Variants in STARD9 observed in about 807,000 individuals in gnomAD.
STARD9 encodes stAR-related lipid transfer protein 9.
Under a neutral mutation model 399.8 loss-of-function variants are expected in STARD9, and 346 were observed. The observed-to-expected ratio is 0.87, with a 90% CI of 0.79 to 0.95. STARD9 has a LOEUF of 0.95. Ranked by LOEUF, STARD9 falls within the 40% of genes least tolerant of loss-of-function variation. The pLI is 0.00. For synonymous variants in STARD9, 2,203 were observed against 2,143.5 expected, an observed-to-expected ratio of 1.03 and a Z score of -0.77; for missense variants, 5,832 against 5,667.5, an observed-to-expected ratio of 1.03 and a Z score of -0.93.
At chr15:42,601,573 G>A (rs1301485437) in intron 3 of STARD9, among the ~76,000 whole-genome samples, 3 of 149,858 alleles carry the variant, frequency 2.0e-5, no homozygotes, top group Non-Finnish European at 4.5e-5. Flanking sequence ...GGCTGGGCGG[G>A]GGCTGCCCCC....
chr15:42,695,001 A>G, intron 24 of STARD9, 139 bp from the exon 25 acceptor site: 1 of 836,170 alleles, frequency 1.2e-6, no homozygotes, highest in African/African-American at 1.7e-5. Context: ...CTGAGGCTAA[A>G]AAATCATACT....
At chr15:42,676,821 C>T (rs550777038) in intron 20 of STARD9, among the ~76,000 whole-genome samples, 436 of 152,140 alleles carry the variant, frequency 2.9e-3, no homozygotes, top group Non-Finnish European at 5.0e-3. Flanking sequence ...AGCACAGGGT[C>T]TCAGTAGTTA....
At chr15:42,597,413 G>A (rs1246489821) in intron 3 of STARD9, among the ~76,000 whole-genome samples, 2 of 152,060 alleles carry the variant, frequency 1.3e-5, no homozygotes, top group Non-Finnish European at 2.9e-5. Flanking sequence ...TGTCACCCAG[G>A]CTGGAGTGCA....
intron 3 of STARD9, among the ~76,000 whole-genome samples, chr15:42,596,197 T>A (rs1438876046): frequency 4.6e-5 from 7 of 152,168 alleles, no homozygotes; most frequent in Non-Finnish European, 1.0e-4. Context: ...AGGGGAGACA[T>A]GCCCAAAGCT....
intron 22 of STARD9, among the ~76,000 whole-genome samples, chr15:42,683,166 C>A (rs2060471540): frequency 6.6e-6 from 1 of 152,230 alleles, no homozygotes; most frequent in Non-Finnish European, 1.5e-5. Context: ...TCTTTGTATC[C>A]TCAGGACCTA....
chr15:42,706,624 A>T (rs2061091667), intron 26 of STARD9, among the ~76,000 whole-genome samples: 1 of 151,382 alleles, frequency 6.6e-6, no homozygotes, highest in Non-Finnish European at 1.5e-5. Flanking sequence ...TAATTTTTGT[A>T]TTTTTAGTAG....
intron 9 of STARD9, among the ~76,000 whole-genome samples, chr15:42,654,367 A>G (rs944772051): frequency 2.0e-5 from 3 of 150,054 alleles, no homozygotes; most frequent in Non-Finnish European, 4.4e-5. Context: ...TCACAGACAC[A>G]GGTTGAAAGT....
chr15:42,691,878 C>G lies in STARD9; in HGVS notation c.10300C>G (p.Gln3434Glu). The G allele has an allele frequency of 6.5e-7, 1 of 1,537,246 alleles. No individual in the cohort carries two copies. Among genetic ancestry groups the G allele is most frequent in the South Asian group, 1.2e-5 (1 of 84,058 alleles). ...GATGTCTGGTACTTTGGAACAAGCC[C>G]AACAGGGAAAGCGAGAGAAACTGGG... ...SWMSGTLEQA[Q>E]QGKREKLGVQ... is the part of the protein sequence containing the mutation. The change falls in exon 23 of 33, where the codon CAA becomes GAA. Residue 3434 changes from glutamine (Q) to glutamate (E), a missense_variant. Around this residue, in one of 2 missense-constraint regions of STARD9, gnomAD observed 5,828 missense variants for 5,651.1 expected, o/e 1.03. Transcript: ENST00000290607.
Position 42,686,604 on chromosome 15 carries a change from A to G in STARD9, c.5026A>G (p.Arg1676Gly), listed in dbSNP as rs776473630. Residue 1676 changes from arginine (R) to glycine (G), a missense_variant, in exon 23 of 33, where the codon AGG becomes GGG. Coordinates refer to ENST00000290607, the MANE Select transcript of STARD9 (RefSeq NM_020759.3). ...TTGGTCCCAAGGCTGGGCTCCTCTC[A>G]GGAAAAATAGTGCAGTCCAGCCAGG... ...DHWSQGWAPLRKNSAVQPGQL... is the reference protein window; with the variant it reads ...DHWSQGWAPLGKNSAVQPGQL... 7 of 1,537,254 alleles carry G rather than the reference A, an allele frequency of 4.6e-6. No homozygotes were observed. The highest frequency in any genetic ancestry group is 6.1e-6 in the Non-Finnish European group (7 of 1,146,980).
intron 3 of STARD9, among the ~76,000 whole-genome samples, chr15:42,590,404 A>G (rs982717233): frequency 6.6e-6 from 1 of 152,150 alleles, no homozygotes; most frequent in Admixed American, 6.5e-5. Flanking sequence ...GCTCAGAAAT[A>G]TGGCATTGAT....
Position 42,686,680 on chromosome 15 carries a change from G to T in STARD9, c.5102G>T (p.Cys1701Phe), listed in dbSNP as rs1398093336. Residue 1701 changes from cysteine to phenylalanine, a missense_variant, in exon 23 of 33, where the codon TGC becomes TTC. By Grantham distance (205) the Cys-to-Phe change is radical. Transcript: ENST00000290607. The stretch of plus-strand genomic sequence containing the variant: ...CCACTAGAGGAAGAGAAGACAGATT[G>T]CCAGGAGAGCTCTAAGGAAGCAGTT... The part of the protein sequence containing the change: ...HYPLEEEKTD[C>F]QESSKEAVRR... 1 of 1,537,724 alleles carries T rather than the reference G, an allele frequency of 6.5e-7. No homozygotes were observed. The highest frequency in any genetic ancestry group is 1.4e-5 in the African/African-American group (1 of 73,170).
At chr15:42,676,099 G>C (rs998047198) in intron 20 of STARD9, 124 bp downstream of exon 20, 3 of 768,060 alleles carry the variant, frequency 3.9e-6, no homozygotes, top group Middle Eastern at 2.8e-4. Context: ...ATGAGCCCTT[G>C]TCTGAATCAA....
intron 9 of STARD9, among the ~76,000 whole-genome samples, chr15:42,653,152 C>G (rs950491380): frequency 6.6e-6 from 1 of 152,108 alleles, no homozygotes; most frequent in Non-Finnish European, 1.5e-5. Flanking sequence ...CATTTTAAAA[C>G]GCTTTCACAT....
intron 2 of STARD9, among the ~76,000 whole-genome samples, chr15:42,584,082 CT>C (rs1176273769): frequency 6.6e-6 from 1 of 151,758 alleles, no homozygotes; most frequent in African/African-American, 2.4e-5. Context: ...GGGTTTCTTT[CT>C]TTCTGGGCCT....
chr15:42,692,059 T>C lies in STARD9; in HGVS notation c.10481T>C (p.Val3494Ala). ...KQYMSGSAVD[V>A]SCSQKPQGLT... ...TATATGTCTGGCAGTGCAGTCGATG[T>C]TTCCTGCAGCCAGAAGCCCCAGGGG... The change falls in exon 23 of 33, where the codon GTT becomes GCT. Residue 3494 changes from valine to alanine, a missense_variant. By Grantham distance (64) the Val-to-Ala change is moderately conservative (BLOSUM62 0). This residue lies in a region of STARD9 where 5,828 missense variants were observed against 5,651.1 expected (regional missense o/e 1.03). Coordinates refer to ENST00000290607, the MANE Select transcript of STARD9 (RefSeq NM_020759.3). 2.6e-6 allele frequency: 4 copies of C among 1,537,228 alleles called. No individual in the cohort carries two copies. In the South Asian group the frequency reaches 4.8e-5, roughly 18 times the overall value.
At chr15:42,714,239 A>G (rs1397872539) in intron 26 of STARD9, among the ~76,000 whole-genome samples, 1 of 151,394 alleles carries the variant, frequency 6.6e-6, no homozygotes, top group Non-Finnish European at 1.5e-5. Flanking sequence ...ATTTTTTTGT[A>G]TTCTTTTAGT....
At position 42,689,249 on chromosome 15, in the gene STARD9, G is replaced by A; in HGVS notation, c.7671G>A (p.Gln2557=). 6.5e-7 allele frequency: 1 copy of A among 1,537,320 alleles called. No individual in the cohort carries two copies. The highest frequency in any genetic ancestry group is 8.7e-7 in the Non-Finnish European group (1 of 1,146,926). Residue 2557 remains glutamine, a synonymous_variant, in exon 23 of 33, where the codon CAG becomes CAA. Transcript: ENST00000290607. ...TGGCCATCTTGGAGGAGATCAGACA[G>A]GCAAAGGCCCAGAGAAAGCAGCTTC... ...MCLAILEEIR[Q]AKAQRKQLHD...
chr15:42,617,185 GAATA>G (rs1447958836), intron 3 of STARD9, among the ~76,000 whole-genome samples: 2 of 152,096 alleles, frequency 1.3e-5, no homozygotes. Context: ...AATACTGGTG[GAATA>G]AATAATTTTC....
Position 42,692,619 on chromosome 15 carries a change from T to G in STARD9, c.11041T>G (p.Ser3681Ala). The G allele has an allele frequency of 6.5e-7, 1 of 1,537,130 alleles. No homozygotes were observed. Among genetic ancestry groups the G allele is most frequent in the South Asian group, 1.2e-5 (1 of 84,058 alleles). ...CTCATGGACCAGCATGCACAATCTG[T>G]CTCTCCACCTCTCACAGCTCCTGCA... ...LASWTSMHNL[S>A]LHLSQLLHST... The change falls in exon 23 of 33, where the codon TCT becomes GCT. Residue 3681 changes from serine to alanine, a missense_variant. Ser to Ala is a moderately conservative substitution (Grantham distance 99, BLOSUM62 1). Transcript: ENST00000290607.
Sources: allele counts gnomAD v4.1 joint callset (sites outside exome capture counted in the v4.1 genomes callset), GRCh38; gene constraint gnomAD v4.1.1; regional missense constraint gnomAD v4.1.1; transcripts MANE v1.5; gene names NCBI Gene and HGNC (gene_info 2026-07-23, HGNC 2026-07-21).